Variants in PRKN observed in about 807,000 individuals in gnomAD.
The protein encoded by PRKN is parkin RBR E3 ubiquitin protein ligase, also known as E3 ubiquitin-protein ligase parkin.
PRKN carries 56 observed loss-of-function variants against 59.5 expected under a neutral mutation model. The ratio of observed to expected loss-of-function variants is 0.94; its 90% CI spans 0.76 to 1.18. PRKN has a LOEUF of 1.18. Among genes scored for constraint, PRKN ranks in the 50% most tolerant of loss-of-function variants. The pLI is 0.00. For synonymous variants in PRKN, 250 were observed against 222.1 expected (o/e 1.13, Z -1.12); for missense variants, 657 against 596.4 (o/e 1.10, Z -1.06).
In PRKN at chr6:161,567,037, T is replaced by TTGTGTG. The variant is rs1554277340; in HGVS notation, c.933+2312_933+2317dup. 3.1e-3 allele frequency among the ~76,000 whole-genome samples: 318 copies of TTGTGTG among 103,756 alleles called. 14 individuals carry two copies. The highest frequency in any genetic ancestry group is 0.011 in the East Asian group (31 of 2,714). The allele number at this position is 103,756 out of a possible 152,430, so 68.1% of individuals were successfully genotyped here. A position where few individuals can be genotyped will look rare whatever the true frequency, so the allele number is the denominator to read the frequency against. ...CACTGTCCTTGTTTTTTTTTTTTTT[T>TTGTGTG]TGTGTGTGTGTGTGTGTGTGTGAGA... On this transcript the variant is annotated intron_variant, in intron 8 of 11. Coordinates refer to ENST00000366898, the MANE Select transcript of PRKN (RefSeq NM_004562.3).
intron 5 of PRKN, among the ~76,000 whole-genome samples, chr6:161,976,706 G>A (rs1354292730): frequency 1.3e-5 from 2 of 152,150 alleles, no homozygotes; most frequent in Non-Finnish European, 2.9e-5. Flanking sequence ...AGCTAGCTAC[G>A]ACTGGTTTTT....
At chr6:162,055,547 G>A (rs1468178445) in intron 4 of PRKN, among the ~76,000 whole-genome samples, 1 of 152,142 alleles carries the variant, frequency 6.6e-6, no homozygotes, top group East Asian at 1.9e-4. Context: ...CACGGGAGGG[G>A]CGGAGTAAGA....
At chr6:161,987,378 A>G (rs1189979706) in intron 5 of PRKN, among the ~76,000 whole-genome samples, 2 of 152,202 alleles carry the variant, frequency 1.3e-5, no homozygotes, top group Non-Finnish European at 2.9e-5. Flanking sequence ...CGATGGGCGT[A>G]GACATGTGTG....
rs544576297 is a variant in PRKN, at chr6:162,464,573, T to C, written c.8-21100A>G. Among the ~76,000 whole-genome samples, 10 of 149,086 alleles carry C rather than the reference T, an allele frequency of 6.7e-5. No individual in the cohort carries two copies. The East Asian group carries it at 2.0e-3, about 30-fold the overall frequency. Reference sequence around the variant, plus strand: ...GCTCATGCCTGTAATCCTAGCACTTTGGGAGGCCGAGGCGTGTGGATCACG... The same window carrying C: ...GCTCATGCCTGTAATCCTAGCACTTCGGGAGGCCGAGGCGTGTGGATCACG... On this transcript the variant is annotated intron_variant, in intron 1 of 11. Transcript: ENST00000366898.
rs115300027 is a variant in PRKN, at chr6:162,362,003, C to T, written c.171+81307G>A. Among the ~76,000 whole-genome samples, 324 of 152,282 alleles carry T rather than the reference C, an allele frequency of 2.1e-3. 1 individual carries two copies. The highest frequency in any genetic ancestry group is 0.012 in the South Asian group (57 of 4,834). On this transcript the variant is annotated intron_variant, in intron 2 of 11. Transcript: ENST00000366898. ...TATGAAAAATAGGGACTGTGCAGCT[C>T]TCAGATTTTCAACAATGAATTGCTC...
chr6:161,750,427 T>C (rs1788638197), intron 7 of PRKN, among the ~76,000 whole-genome samples: 1 of 152,142 alleles, frequency 6.6e-6, no homozygotes, highest in African/African-American at 2.4e-5. Context: ...TGAGGCATCA[T>C]GGCATGTTTT....
At chr6:162,544,968 C>T (rs372656610) in intron 1 of PRKN, among the ~76,000 whole-genome samples, 1 of 150,218 alleles carries the variant, frequency 6.7e-6, no homozygotes, top group Non-Finnish European at 1.5e-5. Context: ...TGAGCCACCG[C>T]GCCCGGCCTC....
chr6:162,181,765 GC>G (rs1783813852), intron 4 of PRKN, among the ~76,000 whole-genome samples: 1 of 151,960 alleles, frequency 6.6e-6, no homozygotes, highest in Non-Finnish European at 1.5e-5. Flanking sequence ...TTCCATCATT[GC>G]TTGTCAGCTT....
At chr6:161,398,628 A>C (rs1230319591) in intron 9 of PRKN, among the ~76,000 whole-genome samples, 1 of 152,194 alleles carries the variant, frequency 6.6e-6, no homozygotes, top group East Asian at 1.9e-4. Flanking sequence ...CCAGTTTCAG[A>C]GGAGTCACAA....
chr6:161,411,556 T>C (rs1035539522), intron 9 of PRKN, among the ~76,000 whole-genome samples: 2 of 152,148 alleles, frequency 1.3e-5, no homozygotes, highest in Non-Finnish European at 2.9e-5. Context: ...CAGGGATGCC[T>C]AAGAGACCAA....
intron 6 of PRKN, among the ~76,000 whole-genome samples, chr6:161,953,757 C>G (rs1273325547): frequency 1.3e-5 from 2 of 152,184 alleles, no homozygotes; most frequent in African/African-American, 2.4e-5. Context: ...CCGAACACAT[C>G]AGCAGGAAGA....
At chr6:161,515,290 C>T (rs1249054205) in intron 9 of PRKN, among the ~76,000 whole-genome samples, 1 of 152,138 alleles carries the variant, frequency 6.6e-6, no homozygotes, top group Non-Finnish European at 1.5e-5. Flanking sequence ...AAAATGAAAA[C>T]AGCAAAAGTG....
intron 2 of PRKN, among the ~76,000 whole-genome samples, chr6:162,307,716 T>C (rs1035061331): frequency 6.6e-6 from 1 of 152,142 alleles, no homozygotes; most frequent in African/African-American, 2.4e-5. Flanking sequence ...CAGAAAAATC[T>C]GGAAGGCACT....
At chr6:162,204,531 A>G (rs1487574458) in intron 3 of PRKN, among the ~76,000 whole-genome samples, 1 of 152,204 alleles carries the variant, frequency 6.6e-6, no homozygotes, top group Non-Finnish European at 1.5e-5. Flanking sequence ...AGAAAGTGAA[A>G]CTGCTCATGT....
At chr6:161,599,815 T>C (rs1782044633) in intron 7 of PRKN, among the ~76,000 whole-genome samples, 2 of 152,196 alleles carry the variant, frequency 1.3e-5, no homozygotes, top group African/African-American at 4.8e-5. Flanking sequence ...TCCCAAAGTA[T>C]TTTCTTAAAA....
At chr6:162,114,738 GA>G (rs1780592895) in intron 4 of PRKN, among the ~76,000 whole-genome samples, 1 of 150,448 alleles carries the variant, frequency 6.6e-6, no homozygotes, top group Admixed American at 6.6e-5. Flanking sequence ...AAAAACACAT[GA>G]AAAAATGCTC....
intron 6 of PRKN, among the ~76,000 whole-genome samples, chr6:161,972,466 C>A (rs1260867117): frequency 6.6e-6 from 1 of 152,130 alleles, no homozygotes; most frequent in Non-Finnish European, 1.5e-5. Context: ...TCAGTTTCTT[C>A]CACTTTGTCC....
chr6:162,145,131 C>A (rs1781968207), intron 4 of PRKN, among the ~76,000 whole-genome samples: 1 of 152,164 alleles, frequency 6.6e-6, no homozygotes, highest in African/African-American at 2.4e-5. Flanking sequence ...TTGAACTCTT[C>A]TGATGATGAT....
rs539222533 is a variant in PRKN, at chr6:161,440,102, C to A, written c.1084-53225G>T. On this transcript the variant is annotated intron_variant, in intron 9 of 11. Transcript: ENST00000366898. This position sits in a 1 kb window ranked among gnomAD's most constrained non-coding sequence, Gnocchi z 4.1. ...AGTAGCTGGGACTACAGGCGCCCAC[C>A]ACCACGCCCGGCTAATTTTTTTTGG... Among the ~76,000 whole-genome samples the A allele has an allele frequency of 1.4e-3, 209 of 152,072 alleles. 1 individual carries two copies. Among genetic ancestry groups the A allele is most frequent in the African/African-American group, 5.0e-3 (206 of 41,478 alleles).
Sources: gnomAD v4.1 joint callset for allele counts (sites outside exome capture counted in the v4.1 genomes callset) on GRCh38, gnomAD v4.1.1 for gene constraint, Gnocchi (gnomAD v3.1) non-coding constraint, MANE v1.5 for transcripts, NCBI Gene and HGNC (gene_info 2026-07-23, HGNC 2026-07-21) for gene names.